Variants in ACAD11 observed in about 807,000 individuals in gnomAD.
ACAD11 encodes acyl-Coenzyme A dehydrogenase family, member 11.
A neutral mutation model predicts 102.2 loss-of-function variants in ACAD11; 83 were observed. That is an observed-to-expected ratio of 0.81 (90% CI 0.68 to 0.97). The LOEUF (loss-of-function observed/expected upper bound fraction) is 0.97. Among genes scored for constraint, ACAD11 ranks in the 50% least tolerant of loss-of-function variants. The pLI is 0.00. For missense variants in ACAD11, 901 were observed against 951.7 expected (o/e 0.95, Z 0.70); for synonymous variants, 324 against 319.8 (o/e 1.01, Z -0.14).
chr3:132,648,739 A>C (rs1303248220), intron 1 of ACAD11: 1 of 152,210 alleles, frequency 6.6e-6, no homozygotes, highest in Admixed American at 6.5e-5. Flanking sequence ...GTTTAATAAA[A>C]CCACTGAACA....
Position 132,559,097 on chromosome 3 carries a change from A to G in ACAD11, c.2229-12T>C. 1 of 1,586,826 alleles carries G rather than the reference A, an allele frequency of 6.3e-7. No homozygotes were observed. The highest frequency in any genetic ancestry group is 1.1e-5 in the South Asian group (1 of 90,418). On this transcript the variant is annotated splice_polypyrimidine_tract_variant and intron_variant, in intron 19 of 19. Coordinates refer to ENST00000264990, the MANE Select transcript of ACAD11 (RefSeq NM_032169.5). ...GGGTTATAGCATACCTGAAAAAGCA[A>G]AAGAATCAGGGAACACAGGGAGTTA...
At chr3:132,625,535 A>G (rs1248469804) in intron 9 of ACAD11, among the ~76,000 whole-genome samples, 1 of 152,180 alleles carries the variant, frequency 6.6e-6, no homozygotes, top group East Asian at 1.9e-4. Flanking sequence ...GAAAATATTC[A>G]AGATACTTCA....
intron 13 of ACAD11, among the ~76,000 whole-genome samples, chr3:132,590,398 C>T (rs1443201359): frequency 2.6e-5 from 4 of 152,164 alleles, no homozygotes; most frequent in African/African-American, 9.7e-5. Flanking sequence ...GCTGGGATTA[C>T]AGGCATGGCC....
rs766432759 is a variant in ACAD11, at chr3:132,578,760, C to T, written c.1774+36G>A. 32 of 1,605,822 alleles carry T rather than the reference C, an allele frequency of 2.0e-5. No homozygotes were observed. The South Asian group carries it at 3.6e-4, about 18-fold the overall frequency. ...GTTACTGCATATTCTAGCCTTCCTGCTTGCTAATGCATGGTCATATTTATT... is the reference window on the plus strand; with the variant it reads ...GTTACTGCATATTCTAGCCTTCCTGTTTGCTAATGCATGGTCATATTTATT... On this transcript the variant is annotated intron_variant, in intron 15 of 19. Transcript: ENST00000264990.
chr3:132,578,961 CT>C, intron 14 of ACAD11, 80 bp from the exon 15 acceptor site: 1 of 1,586,232 alleles, frequency 6.3e-7, no homozygotes, highest in Non-Finnish European at 8.6e-7. Context: ...TCACAATTGT[CT>C]TTTTGATGTT....
At chr3:132,594,953 G>A (rs954106354) in intron 13 of ACAD11, among the ~76,000 whole-genome samples, 23 of 152,190 alleles carry the variant, frequency 1.5e-4, no homozygotes, top group African/African-American at 4.8e-4. Context: ...CTTGGTACTC[G>A]GGATATATCA....
chr3:132,614,523 C>T (rs922132860), intron 11 of ACAD11, among the ~76,000 whole-genome samples: 1 of 152,156 alleles, frequency 6.6e-6, no homozygotes, highest in African/African-American at 2.4e-5. Context: ...TAACGCCACA[C>T]ATCTACAACC....
Position 132,603,402 on chromosome 3 carries a change from T to A in ACAD11, c.1523-75A>T. ...GACTTAGATAAGGATATGAAAACTT[T>A]AAAAACAAAGACATCTTTATCTTTT... is the stretch of plus-strand genomic sequence containing the variant. On this transcript the variant is annotated intron_variant, in intron 12 of 19. Coordinates refer to ENST00000264990, the MANE Select transcript of ACAD11 (RefSeq NM_032169.5). The A allele has an allele frequency of 3.0e-6, 4 of 1,332,002 alleles. No individual in the cohort carries two copies. The East Asian group carries it at 6.9e-5, about 23-fold the overall frequency. 82.5% of individuals were successfully genotyped at this position (1,332,002 alleles called of 1,614,324 possible).
rs543271492 is a variant in ACAD11 at position 132,599,976 on chromosome 3, ATATACT to A, written c.1621+3247_1621+3252del. ...TTCGTTTTTATTCAATTTGTTGTAG[ATATACT>A]TTTACGATTCACAAAATTATGTATG... On this transcript the variant is annotated intron_variant, in intron 13 of 19. Transcript: ENST00000264990. Among the ~76,000 whole-genome samples the A allele has an allele frequency of 1.1e-3, 172 of 152,302 alleles. 1 individual carries two copies. Among genetic ancestry groups the A allele is most frequent in the Admixed American group, 4.6e-3 (70 of 15,290 alleles).
chr3:132,606,321 C>G (rs183620938), intron 11 of ACAD11, among the ~76,000 whole-genome samples: 71 of 152,280 alleles, frequency 4.7e-4, no homozygotes, highest in Non-Finnish European at 8.5e-4. Flanking sequence ...GCTTAACATT[C>G]TTTTTGACTG....
At chr3:132,587,612 A>T (rs953223962) in intron 13 of ACAD11, among the ~76,000 whole-genome samples, 1 of 152,166 alleles carries the variant, frequency 6.6e-6, no homozygotes, top group African/African-American at 2.4e-5. Context: ...TCCCCCTTGA[A>T]AATGGGTCAT....
At chr3:132,620,203 A>G (rs1408523797) in intron 9 of ACAD11, among the ~76,000 whole-genome samples, 1 of 152,234 alleles carries the variant, frequency 6.6e-6, no homozygotes, top group African/African-American at 2.4e-5. Context: ...GAGGTAGACC[A>G]TGGGAATACA....
intron 2 of ACAD11, among the ~76,000 whole-genome samples, chr3:132,643,379 G>C (rs1940596369): frequency 6.6e-6 from 1 of 152,164 alleles, no homozygotes. Flanking sequence ...AGGAAAGTAG[G>C]CAGCTAGAAG....
chr3:132,559,686 G>C, intron 19 of ACAD11, 147 bp downstream of exon 19: 1 of 607,882 alleles, frequency 1.6e-6, no homozygotes, highest in Admixed American at 3.2e-5. Flanking sequence ...CTATTTCTTG[G>C]TGTTGAGCTC....
At chr3:132,608,294 TG>T (rs1215922455) in intron 11 of ACAD11, among the ~76,000 whole-genome samples, 1 of 152,122 alleles carries the variant, frequency 6.6e-6, no homozygotes, top group Non-Finnish European at 1.5e-5. Context: ...TAAATGTAAA[TG>T]GGTTAAATGC....
At chr3:132,614,081 A>G (rs900145676) in intron 11 of ACAD11, among the ~76,000 whole-genome samples, 1 of 151,798 alleles carries the variant, frequency 6.6e-6, no homozygotes, top group Non-Finnish European at 1.5e-5. Context: ...CAATTGCTAC[A>G]AAGAGAATAA....
intron 13 of ACAD11, among the ~76,000 whole-genome samples, chr3:132,584,158 G>T (rs916276344): frequency 6.6e-6 from 1 of 152,266 alleles, no homozygotes; most frequent in Non-Finnish European, 1.5e-5. Flanking sequence ...TGACAGTGGG[G>T]TGTTAAAGTC....
intron 15 of ACAD11, among the ~76,000 whole-genome samples, chr3:132,578,269 A>G (rs1397620605): frequency 6.6e-6 from 1 of 152,202 alleles, no homozygotes; most frequent in Admixed American, 6.5e-5. Flanking sequence ...GCAAATATTT[A>G]TTGTACACAA....
At position 132,605,164 on chromosome 3, in the gene ACAD11, C is replaced by A; in HGVS notation, c.1456G>T (p.Glu486Ter). The A allele has an allele frequency of 6.2e-7, 1 of 1,613,640 alleles. No homozygotes were observed. Among genetic ancestry groups the A allele is most frequent in the East Asian group, 2.2e-5 (1 of 44,858 alleles). Residue 486 changes from glutamate to a stop codon, truncating the protein, a stop_gained, in exon 12 of 20, where the codon GAA (glutamate) becomes TAA (stop). Transcript: ENST00000264990. LOFTEE classifies it high-confidence loss of function. ...MEVLHLYGSEEQKKQWLEPLL... is the reference protein window; with the variant it reads ...MEVLHLYGSE ...GGCTCAAGCCACTGTTTCTTCTGTT[C>A]CTCACTTCCATACAGGTGCAGAACC...
Sources: allele counts gnomAD v4.1 joint callset (sites outside exome capture counted in the v4.1 genomes callset), GRCh38; gene constraint gnomAD v4.1.1; transcripts MANE v1.5; gene names NCBI Gene and HGNC (gene_info 2026-07-23, HGNC 2026-07-21).